The following NIPAL2 variants were observed in gnomAD, a reference collection of about 807,000 sequenced individuals.
NIPAL2 encodes NIPA like domain containing 2, also known as NIPA-like protein 2.
NIPAL2 carries 43 observed loss-of-function variants against 48.9 expected under a neutral mutation model. That is an observed-to-expected ratio of 0.88 (90% CI 0.69 to 1.13). NIPAL2 has a LOEUF of 1.13. Ranked by LOEUF, NIPAL2 falls within the 50% of genes most tolerant of loss-of-function variation. The probability of loss-of-function intolerance (pLI) is 0.00; values close to 1 mark genes in which losing one functional copy is unlikely to be tolerated. For missense variants in NIPAL2, 446 were observed against 461.4 expected, an observed-to-expected ratio of 0.97 and a Z score of 0.31; for synonymous variants, 167 against 174.6, an observed-to-expected ratio of 0.96 and a Z score of 0.34.
rs1244210261 is a variant in NIPAL2 at position 98,194,832 on chromosome 8, T to C, written c.945-10A>G. ...GAATGACAGAAAACACCTGTAAGGA[T>C]AATATTAATAAAGAATACAAGAACA... On this transcript the variant is annotated splice_polypyrimidine_tract_variant and intron_variant, in intron 9 of 10. Coordinates refer to ENST00000430223, the MANE Select transcript of NIPAL2 (RefSeq NM_001321635.2). 5.4e-6 allele frequency: 8 copies of C among 1,483,714 alleles called. No homozygotes were observed. The Middle Eastern group carries it at 1.1e-3, about 197-fold the overall frequency. 91.9% of individuals were successfully genotyped at this position (1,483,714 alleles called of 1,614,324 possible).
intron 1 of NIPAL2, among the ~76,000 whole-genome samples, chr8:98,262,677 A>C (rs1303298643): frequency 3.2e-3 from 479 of 151,486 alleles, no homozygotes; most frequent in African/African-American, 0.011. Flanking sequence ...CACATTAATA[A>C]TGGGAGACTT....
At chr8:98,266,887 C>G (rs1459122606) in intron 1 of NIPAL2, among the ~76,000 whole-genome samples, 1 of 151,888 alleles carries the variant, frequency 6.6e-6, no homozygotes, top group Non-Finnish European at 1.5e-5. Flanking sequence ...AAGTGATAGG[C>G]TAAGGTGATA....
chr8:98,253,900 A>T, intron 2 of NIPAL2, 119 bp downstream of exon 2: 1 of 591,920 alleles, frequency 1.7e-6, no homozygotes, highest in East Asian at 3.1e-5. Context: ...TAAAATATAT[A>T]TTTTTTATAA....
At chr8:98,282,522 T>TA (rs1815897177) in intron 1 of NIPAL2, among the ~76,000 whole-genome samples, 1 of 151,750 alleles carries the variant, frequency 6.6e-6, no homozygotes. Context: ...AAAGAAACAA[T>TA]ACCAGCTGGG....
chr8:98,227,240 T>C (rs1423378340), intron 4 of NIPAL2, among the ~76,000 whole-genome samples: 1 of 152,160 alleles, frequency 6.6e-6, no homozygotes, highest in Non-Finnish European at 1.5e-5. Flanking sequence ...CTTGGTCCTC[T>C]ACCCCACTGT....
At chr8:98,240,523 C>T (rs1236487138) in intron 3 of NIPAL2, among the ~76,000 whole-genome samples, 2 of 152,142 alleles carry the variant, frequency 1.3e-5, no homozygotes, top group Non-Finnish European at 2.9e-5. Flanking sequence ...ACAAGCTTAT[C>T]AACAAGTGAT....
intron 1 of NIPAL2, among the ~76,000 whole-genome samples, chr8:98,264,902 A>G (rs1814609907): frequency 6.6e-6 from 1 of 151,620 alleles, no homozygotes; most frequent in South Asian, 2.1e-4. Context: ...TACAGTAACC[A>G]AAACAGCATG....
chr8:98,279,145 A>G (rs946367146), intron 1 of NIPAL2, among the ~76,000 whole-genome samples: 17 of 152,252 alleles, frequency 1.1e-4, no homozygotes, highest in South Asian at 6.2e-4. Context: ...ATTTCTTTGA[A>G]TGGTAGTAAC....
chr8:98,235,076 C>T (rs956890513), intron 4 of NIPAL2, among the ~76,000 whole-genome samples: 2 of 152,154 alleles, frequency 1.3e-5, no homozygotes, highest in Non-Finnish European at 2.9e-5. Flanking sequence ...ATTTTCAAGA[C>T]ATTACGCTCA....
At chr8:98,253,810 T>C (rs1813727376) in intron 2 of NIPAL2, among the ~76,000 whole-genome samples, 1 of 152,148 alleles carries the variant, frequency 6.6e-6, no homozygotes, top group African/African-American at 2.4e-5. Context: ...AAAATTAATT[T>C]CTTTTAAAAT....
chr8:98,212,427 C>T lies in NIPAL2; in HGVS notation c.633G>A (p.Leu211=), dbSNP rs1811362915. The part of the protein sequence containing the change: ...KRKGMKHMVI[L]LTLVAILASL... ...TACCTAGAATTGCCACCAGGGTTAGCAGAATCACCATATGCTTCATTCCTT... is the reference window on the plus strand; with the variant it reads ...TACCTAGAATTGCCACCAGGGTTAGTAGAATCACCATATGCTTCATTCCTT... The change falls in exon 6 of 11, where the codon CTG becomes CTA. Residue 211 remains leucine (L), a synonymous_variant. Coordinates refer to ENST00000430223, the MANE Select transcript of NIPAL2 (RefSeq NM_001321635.2). 1 of 1,588,300 alleles carries T rather than the reference C, an allele frequency of 6.3e-7. No homozygotes were observed. Among genetic ancestry groups the T allele is most frequent in the Non-Finnish European group, 8.6e-7 (1 of 1,157,354 alleles).
chr8:98,264,682 T>C (rs1174517827), intron 1 of NIPAL2, among the ~76,000 whole-genome samples: 1 of 150,690 alleles, frequency 6.6e-6, no homozygotes, highest in African/African-American at 2.4e-5. Flanking sequence ...GAAGAATCAA[T>C]ATCGTGAAAA....
At chr8:98,263,479 C>T (rs1208850240) in intron 1 of NIPAL2, among the ~76,000 whole-genome samples, 1 of 150,452 alleles carries the variant, frequency 6.6e-6, no homozygotes, top group African/African-American at 2.4e-5. Flanking sequence ...TACAAACTAC[C>T]ATCAGAGAAT....
intron 8 of NIPAL2, among the ~76,000 whole-genome samples, chr8:98,201,931 G>T (rs1810821721): frequency 6.6e-6 from 1 of 152,004 alleles, no homozygotes; most frequent in Non-Finnish European, 1.5e-5. Context: ...ACAATCCTCA[G>T]TTACTCCTCC....
intron 5 of NIPAL2, among the ~76,000 whole-genome samples, chr8:98,220,222 C>T (rs373438830): frequency 1.6e-4 from 25 of 152,106 alleles, no homozygotes; most frequent in African/African-American, 5.1e-4. Context: ...GGAACTGCTT[C>T]GGTCCTGTAC....
intron 3 of NIPAL2, among the ~76,000 whole-genome samples, chr8:98,237,497 C>T (rs986642921): frequency 1.3e-5 from 2 of 152,082 alleles, no homozygotes; most frequent in Non-Finnish European, 2.9e-5. Flanking sequence ...CCCCATACCA[C>T]CACCAGAGTA....
intron 1 of NIPAL2, among the ~76,000 whole-genome samples, chr8:98,292,052 C>T (rs1172040741): frequency 6.6e-6 from 1 of 152,212 alleles, no homozygotes; most frequent in Non-Finnish European, 1.5e-5. Flanking sequence ...AGGCTATCAG[C>T]CAACACACAC....
intron 1 of NIPAL2, among the ~76,000 whole-genome samples, chr8:98,274,686 T>TATTTC (rs1815356995): frequency 6.6e-6 from 1 of 152,054 alleles, no homozygotes; most frequent in Non-Finnish European, 1.5e-5. Context: ...GTTGGATCTC[T>TATTTC]TATATATAGA....
At chr8:98,248,998 C>T (rs1165698046) in intron 3 of NIPAL2, among the ~76,000 whole-genome samples, 1 of 152,138 alleles carries the variant, frequency 6.6e-6, no homozygotes, top group Non-Finnish European at 1.5e-5. Flanking sequence ...CACAATGTGA[C>T]TGCCTGTGAG....
Sources: allele counts gnomAD v4.1 joint callset (sites outside exome capture counted in the v4.1 genomes callset), GRCh38; gene constraint gnomAD v4.1.1; transcripts MANE v1.5; gene names NCBI Gene and HGNC (gene_info 2026-07-23, HGNC 2026-07-21).